Variants in GPR149 observed in about 807,000 individuals in gnomAD.
The protein encoded by GPR149 is G protein-coupled receptor 149, also known as probable G protein-coupled receptor 149.
GPR149 carries 50 observed loss-of-function variants against 50.2 expected under a neutral mutation model. The observed-to-expected ratio is 1.00, with a 90% CI of 0.79 to 1.26. GPR149 has a LOEUF of 1.26. GPR149 is among the 50% of genes most tolerant of loss of function. GPR149 has a pLI of 0.00. For missense variants in GPR149, 983 were observed against 895.4 expected (o/e 1.10, Z -1.25); for synonymous variants, 405 against 358.2 (o/e 1.13, Z -1.48).
At chr3:154,420,857 A>T (rs1712120841) in intron 3 of GPR149, among the ~76,000 whole-genome samples, 182 bp downstream of exon 3, 1 of 151,968 alleles carries the variant, frequency 6.6e-6, no homozygotes, top group Non-Finnish European at 1.5e-5. Context: ...AAACTGATTA[A>T]AAGAATTAAA....
At chr3:154,416,553 T>C (rs1281065703) in intron 3 of GPR149, among the ~76,000 whole-genome samples, 2 of 151,762 alleles carry the variant, frequency 1.3e-5, no homozygotes, top group Non-Finnish European at 2.9e-5. Context: ...CTTAAATAAA[T>C]AATAATATTT....
chr3:154,360,557 T>C (rs1436690777), intron 3 of GPR149, among the ~76,000 whole-genome samples: 1 of 152,160 alleles, frequency 6.6e-6, no homozygotes, highest in East Asian at 1.9e-4. Flanking sequence ...AAACAGCCAA[T>C]AAGTGGTAGA....
intron 3 of GPR149, among the ~76,000 whole-genome samples, chr3:154,390,700 C>G (rs1715148768): frequency 6.6e-6 from 1 of 152,150 alleles, no homozygotes; most frequent in South Asian, 2.1e-4. Flanking sequence ...AGGAAATGAA[C>G]ACCCAGATCA....
intron 3 of GPR149, among the ~76,000 whole-genome samples, chr3:154,410,280 T>C (rs568351021): frequency 6.6e-6 from 1 of 151,948 alleles, no homozygotes; most frequent in East Asian, 1.9e-4. Context: ...CAGAACCCCC[T>C]AAAAGCATAA....
At chr3:154,348,313 T>C (rs79399531) in intron 3 of GPR149, among the ~76,000 whole-genome samples, 2,307 of 152,278 alleles carry the variant, frequency 0.015, 53 homozygotes, top group African/African-American at 0.053. Context: ...AAGCCAGACA[T>C]TGGCAGAATG....
intron 3 of GPR149, among the ~76,000 whole-genome samples, chr3:154,385,858 C>T (rs774920945): frequency 7.2e-5 from 11 of 152,048 alleles, no homozygotes; most frequent in Non-Finnish European, 2.9e-5. Flanking sequence ...CCTGCCACCA[C>T]GCCCAGCTAT....
chr3:154,343,981 G>A (rs996827486), intron 3 of GPR149, among the ~76,000 whole-genome samples: 3 of 150,354 alleles, frequency 2.0e-5, no homozygotes, highest in African/African-American at 4.9e-5. Flanking sequence ...TGTCCCCACC[G>A]CCCCCCCAAA....
chr3:154,367,774 G>T lies in GPR149; in HGVS notation c.1624-29503C>A, dbSNP rs528841333. Among the ~76,000 whole-genome samples the T allele has an allele frequency of 3.9e-5, 6 of 152,200 alleles. No individual in the cohort carries two copies. In the East Asian group the frequency reaches 1.2e-3, roughly 30 times the overall value. Reference sequence around the variant, plus strand: ...GCCGCCCCACCAAATCTTTGGCATGGCTAAGGCAAGAACCTTTGGAGTTAC... The same window carrying T: ...GCCGCCCCACCAAATCTTTGGCATGTCTAAGGCAAGAACCTTTGGAGTTAC... On this transcript the variant is annotated intron_variant, in intron 3 of 3. Coordinates refer to ENST00000389740, the MANE Select transcript of GPR149 (RefSeq NM_001038705.3).
intron 3 of GPR149, among the ~76,000 whole-genome samples, chr3:154,409,148 C>A (rs1020640203): frequency 6.6e-6 from 1 of 152,198 alleles, no homozygotes; most frequent in Non-Finnish European, 1.5e-5. Context: ...ACAGTTTGGC[C>A]TCTGGAAGCC....
chr3:154,407,149 G>A lies in GPR149; in HGVS notation c.1623+13890C>T, dbSNP rs1158985504. Among the ~76,000 whole-genome samples, 4 of 152,180 alleles carry A rather than the reference G, an allele frequency of 2.6e-5. No homozygotes were observed. The South Asian group carries it at 8.3e-4, about 31-fold the overall frequency. ...CCCATAACACATGGGAATTATGGGA[G>A]CTACAATTCAAAATGAGATTTGGGT... On this transcript the variant is annotated intron_variant, in intron 3 of 3. Transcript: ENST00000389740.
At chr3:154,349,855 G>T (rs1287861055) in intron 3 of GPR149, among the ~76,000 whole-genome samples, 1 of 152,098 alleles carries the variant, frequency 6.6e-6, no homozygotes, top group African/African-American at 2.4e-5. Context: ...TTAGCAAATA[G>T]AATTCAGCAA....
chr3:154,405,671 T>G (rs1180062244), intron 3 of GPR149, among the ~76,000 whole-genome samples: 1 of 150,766 alleles, frequency 6.6e-6, no homozygotes, highest in Non-Finnish European at 1.5e-5. Flanking sequence ...GATAACTCAC[T>G]GTGGGTAATG....
intron 3 of GPR149, among the ~76,000 whole-genome samples, chr3:154,366,967 T>C (rs1380959325): frequency 6.6e-6 from 1 of 152,224 alleles, no homozygotes; most frequent in Non-Finnish European, 1.5e-5. Context: ...TCCATCTTAG[T>C]TCATTTGTGC....
At chr3:154,404,192 T>C (rs1362441947) in intron 3 of GPR149, among the ~76,000 whole-genome samples, 1 of 152,230 alleles carries the variant, frequency 6.6e-6, no homozygotes, top group Non-Finnish European at 1.5e-5. Context: ...CATTAACTGT[T>C]GAAATTTTCA....
intron 3 of GPR149, among the ~76,000 whole-genome samples, chr3:154,382,507 T>C (rs1400826421): frequency 6.6e-6 from 1 of 152,178 alleles, no homozygotes; most frequent in Non-Finnish European, 1.5e-5. Flanking sequence ...CACTAAAGGG[T>C]CAAATGTCAA....
chr3:154,400,662 G>A lies in GPR149; in HGVS notation c.1623+20377C>T, dbSNP rs796465705. On this transcript the variant is annotated intron_variant, in intron 3 of 3. Coordinates refer to ENST00000389740, the MANE Select transcript of GPR149 (RefSeq NM_001038705.3). Reference sequence around the variant, plus strand: ...TTGAATTACATGACATCATCTCTGAGTAATTTCTGCTTCATTTTTATTGCA... The same window carrying A: ...TTGAATTACATGACATCATCTCTGAATAATTTCTGCTTCATTTTTATTGCA... Among the ~76,000 whole-genome samples, 19 of 152,188 alleles carry A rather than the reference G, an allele frequency of 1.2e-4. 2 individuals are homozygous for A. Among genetic ancestry groups the A allele is most frequent in the Admixed American group, 1.1e-3 (17 of 15,278 alleles).
Position 154,421,388 on chromosome 3 carries a change from A to G in GPR149, c.1274T>C (p.Ile425Thr), listed in dbSNP as rs369182873. Residue 425 changes from isoleucine to threonine, a missense_variant, in exon 3 of 4, where the codon ATA becomes ACA. Ile to Thr is a moderately conservative substitution (Grantham distance 89, BLOSUM62 -1). Coordinates refer to ENST00000389740, the MANE Select transcript of GPR149 (RefSeq NM_001038705.3). Reference sequence around the variant, plus strand: ...AGAGTTCATCAGGTTGTGATAGAATATGGAATTTTCATCATCATCATAGTA... The same window carrying G: ...AGAGTTCATCAGGTTGTGATAGAATGTGGAATTTTCATCATCATCATAGTA... ...EDYYDDDENS[I>T]FYHNLMNSEC... 9 of 1,612,180 alleles carry G rather than the reference A, an allele frequency of 5.6e-6. No individual in the cohort carries two copies. The Admixed American group carries it at 6.7e-5, about 12-fold the overall frequency.
chr3:154,352,156 G>A (rs2108389767), intron 3 of GPR149: 1 of 763,630 alleles, frequency 1.3e-6, no homozygotes, highest in Non-Finnish European at 2.0e-6. Context: ...CTCCATTTGT[G>A]GCCCCCACTT....
At chr3:154,402,246 T>C (rs1436829204) in intron 3 of GPR149, among the ~76,000 whole-genome samples, 1 of 151,866 alleles carries the variant, frequency 6.6e-6, no homozygotes, top group Non-Finnish European at 1.5e-5. Context: ...TGTGCAAATA[T>C]TTTCAGTTTT....
Sources: gnomAD v4.1 joint callset for allele counts (sites outside exome capture counted in the v4.1 genomes callset) on GRCh38, gnomAD v4.1.1 for gene constraint, MANE v1.5 for transcripts, NCBI Gene and HGNC (gene_info 2026-07-23, HGNC 2026-07-21) for gene names.